The following TRIM8 variants were observed in gnomAD, a reference collection of about 807,000 sequenced individuals.
TRIM8 encodes the protein E3 ubiquitin-protein ligase TRIM8.
A neutral mutation model predicts 55.7 loss-of-function variants in TRIM8; 9 were observed. The ratio of observed to expected loss-of-function variants is 0.16; its 90% confidence interval spans 0.10 to 0.28. The LOEUF is 0.28. Among genes scored for constraint, TRIM8 ranks in the 10% least tolerant of loss-of-function variants. The probability of loss-of-function intolerance (pLI) is 1.00; values close to 1 mark genes in which losing one functional copy is unlikely to be tolerated. For synonymous variants in TRIM8, 335 were observed against 333.3 expected, an observed-to-expected ratio of 1.01 and a Z score of -0.06; for missense variants, 556 against 736.4, an observed-to-expected ratio of 0.76 and a Z score of 2.83.
In TRIM8 at chr10:102,653,051, G is replaced by A. The variant is rs1306834932; in HGVS notation, c.571-1602G>A. 4.6e-5 allele frequency among the ~76,000 whole-genome samples: 7 copies of A among 152,236 alleles called. No individual in the cohort carries two copies. The South Asian group carries it at 8.3e-4, about 18-fold the overall frequency. ...CGACCTCAGGTGATCCGCCTGCCTC[G>A]GCCTCCCAAAGTGCTGGGATTACAG... On this transcript the variant is annotated intron_variant, in intron 1 of 5. Coordinates refer to ENST00000643721, the MANE Select transcript of TRIM8 (RefSeq NM_030912.3).
At chr10:102,647,241 C>CGT (rs879849727) in intron 1 of TRIM8, among the ~76,000 whole-genome samples, 8 of 151,896 alleles carry the variant, frequency 5.3e-5, no homozygotes, top group African/African-American at 7.3e-5. Context: ...TGCGTGTGTG[C>CGT]GTGTGTGTGC....
intron 1 of TRIM8, among the ~76,000 whole-genome samples, chr10:102,649,055 C>T (rs190840873): frequency 2.4e-5 from 3 of 124,720 alleles, no homozygotes; most frequent in Non-Finnish European, 3.6e-5. Context: ...TGTGTGTGTG[C>T]GTGCATGTGT....
At position 102,657,238 on chromosome 10, in the gene TRIM8, C is replaced by A. The variant is rs1243751759; in HGVS notation, c.1540C>A (p.Gln514Lys). The A allele has an allele frequency of 6.2e-7, 1 of 1,613,948 alleles. No individual in the cohort carries two copies. The highest frequency in any genetic ancestry group is 1.3e-5 in the African/African-American group (1 of 74,924). ...HPLPPTPSVP[Q>K]SLPSLAVRDW... Reference sequence around the variant, plus strand: ...GCTCCCGCCCACACCCTCCGTCCCCCAGTCCCTTCCCAGCCTGGCGGTCAG... The same window carrying A: ...GCTCCCGCCCACACCCTCCGTCCCCAAGTCCCTTCCCAGCCTGGCGGTCAG... Residue 514 changes from glutamine to lysine, a missense_variant, in exon 6 of 6, where the codon CAG (glutamine) becomes AAG (lysine). Coordinates refer to ENST00000643721, the MANE Select transcript of TRIM8 (RefSeq NM_030912.3).
chr10:102,656,238 C>G lies in TRIM8; in HGVS notation c.933-32C>G, dbSNP rs1252060393. 3 of 1,614,028 alleles carry G rather than the reference C, an allele frequency of 1.9e-6. No individual in the cohort carries two copies. Among genetic ancestry groups the G allele is most frequent in the Non-Finnish European group, 2.5e-6 (3 of 1,180,004 alleles). ...AGGGCGGGCTCACCGGTGATGCCTCCTCACAGCAGATGCCCCGTCCACTGC... is the reference window on the plus strand; with the variant it reads ...AGGGCGGGCTCACCGGTGATGCCTCGTCACAGCAGATGCCCCGTCCACTGC... On this transcript the variant is annotated intron_variant, in intron 4 of 5. Transcript: ENST00000643721. This position sits in a 1 kb window ranked among gnomAD's most constrained non-coding sequence, Gnocchi z 4.6.
Position 102,645,019 on chromosome 10 carries a change from G to C in TRIM8, c.402G>C (p.Leu134=), listed in dbSNP as rs1048299166. The C allele has an allele frequency of 6.3e-7, 1 of 1,595,738 alleles. No individual in the cohort carries two copies. The highest frequency in any genetic ancestry group is 1.1e-5 in the South Asian group (1 of 90,108). ...CCTCCACCGCCCGCGGGCACCTCCT[G>C]GTGGAGGCGGACGACGTGCGGGCCT... is the stretch of plus-strand genomic sequence containing the variant. ...QQPSTARGHL[L]VEADDVRAWS... The change falls in exon 1 of 6, where the codon CTG becomes CTC. Residue 134 remains leucine (L), a synonymous_variant. Transcript: ENST00000643721.
rs748355841 is a variant in TRIM8 at position 102,645,111 on chromosome 10, A to C, written c.494A>C (p.Gln165Pro). 1 of 1,592,840 alleles carries C rather than the reference A, an allele frequency of 6.3e-7. No individual in the cohort carries two copies. The highest frequency in any genetic ancestry group is 8.5e-7 in the Non-Finnish European group (1 of 1,177,200). ...HCEAEQVAVC[Q>P]YCCYYSGAHQ... ...GAGGCCGAGCAGGTGGCCGTGTGCC[A>C]GTACTGCTGCTACTACAGCGGCGCG... The change falls in exon 1 of 6, where the codon CAG becomes CCG. Residue 165 changes from glutamine to proline, a missense_variant. This residue lies in a region of TRIM8 where 165 missense variants were observed against 295.3 expected (regional missense o/e 0.56). Coordinates refer to ENST00000643721, the MANE Select transcript of TRIM8 (RefSeq NM_030912.3).
At position 102,644,928 on chromosome 10, in the gene TRIM8, A is replaced by G; in HGVS notation, c.311A>G (p.Gln104Arg). Reference sequence around the variant, plus strand: ...CGCCGCGGCCCCCCGCTGCCCGCGCAGAAGGTCTGCCTGCGCTGCGAGGCG... The same window carrying G: ...CGCCGCGGCCCCCCGCTGCCCGCGCGGAAGGTCTGCCTGCGCTGCGAGGCG... Reference protein sequence around the residue: ...FCRRGPPLPAQKVCLRCEAPC... With the variant: ...FCRRGPPLPARKVCLRCEAPC... The change falls in exon 1 of 6, where the codon CAG becomes CGG. Residue 104 changes from glutamine (Q) to arginine (R), a missense_variant. By Grantham distance (43) the Gln-to-Arg change is conservative. This residue lies in a region of TRIM8 where 165 missense variants were observed against 295.3 expected (regional missense o/e 0.56). Coordinates refer to ENST00000643721, the MANE Select transcript of TRIM8 (RefSeq NM_030912.3). 1 of 1,604,276 alleles carries G rather than the reference A, an allele frequency of 6.2e-7. No homozygotes were observed. The highest frequency in any genetic ancestry group is 8.5e-7 in the Non-Finnish European group (1 of 1,175,826).
In TRIM8 at chr10:102,656,003, A is replaced by G. The variant is rs2064020192; in HGVS notation, c.901-103A>G. On this transcript the variant is annotated intron_variant, in intron 3 of 5. Transcript: ENST00000643721. This position sits in a 1 kb window ranked among gnomAD's most constrained non-coding sequence, Gnocchi z 4.6. ...CTGTCCAGAATGAGAGGATCCACCC[A>G]GCCTGGGGGAGGCTCAGGGGGGGCA... 3 of 1,559,344 alleles carry G rather than the reference A, an allele frequency of 1.9e-6. No homozygotes were observed. Among genetic ancestry groups the G allele is most frequent in the Non-Finnish European group, 2.7e-6 (3 of 1,131,396 alleles).
At chr10:102,651,086 C>A (rs1042933882) in intron 1 of TRIM8, among the ~76,000 whole-genome samples, 4 of 152,164 alleles carry the variant, frequency 2.6e-5, no homozygotes, top group African/African-American at 9.7e-5. Context: ...CTGGCTGGCA[C>A]CCCCTGGCCA....
Position 102,644,663 on chromosome 10 carries a change from C to T in TRIM8, c.46C>T (p.Pro16Ser). The change falls in exon 1 of 6, where the codon CCT becomes TCT. Residue 16 changes from proline to serine, a missense_variant. Physicochemically the swap from Pro to Ser is moderately conservative, Grantham distance 74 (BLOSUM62 -1). This residue lies in a region of TRIM8 where 165 missense variants were observed against 295.3 expected (regional missense o/e 0.56). Coordinates refer to ENST00000643721, the MANE Select transcript of TRIM8 (RefSeq NM_030912.3). ...CTGCTTCGAGGAGGAGCTCATCTGC[C>T]CTATCTGCCTGCACGTTTTCGTGGA... Reference protein sequence around the residue: ...KNCFEEELICPICLHVFVEPV... With the variant: ...KNCFEEELICSICLHVFVEPV... 1 of 1,613,418 alleles carries T rather than the reference C, an allele frequency of 6.2e-7. No homozygotes were observed. Among genetic ancestry groups the T allele is most frequent in the Non-Finnish European group, 8.5e-7 (1 of 1,179,932 alleles).
intron 1 of TRIM8, among the ~76,000 whole-genome samples, chr10:102,647,790 CA>C (rs2063948677): frequency 6.6e-6 from 1 of 152,200 alleles, no homozygotes; most frequent in Admixed American, 6.5e-5. Context: ...TCTGCCCTCC[CA>C]GGGGGATTGC....
In TRIM8 at chr10:102,644,734, C is replaced by T; in HGVS notation, c.117C>T (p.Ile39=). 6.2e-7 allele frequency: 1 copy of T among 1,613,378 alleles called. No homozygotes were observed. Among genetic ancestry groups the T allele is most frequent in the South Asian group, 1.1e-5 (1 of 91,058 alleles). Residue 39 remains isoleucine (I), a synonymous_variant, in exon 1 of 6, where the codon ATC becomes ATT. Coordinates refer to ENST00000643721, the MANE Select transcript of TRIM8 (RefSeq NM_030912.3). ...PCKHNFCRGC[I]GEAWAKDSGL... ...AACACAACTTCTGCCGGGGCTGCATCGGCGAGGCGTGGGCCAAGGACAGCG... is the reference window on the plus strand; with the variant it reads ...AACACAACTTCTGCCGGGGCTGCATTGGCGAGGCGTGGGCCAAGGACAGCG...
At chr10:102,645,522 G>A (rs900517470) in intron 1 of TRIM8, 3 of 228,946 alleles carry the variant, frequency 1.3e-5, no homozygotes, top group Admixed American at 1.1e-4. Flanking sequence ...AGGCCCTACG[G>A]GAAGTCACCG....
At chr10:102,649,501 C>T (rs991838136) in intron 1 of TRIM8, among the ~76,000 whole-genome samples, 4 of 152,206 alleles carry the variant, frequency 2.6e-5, no homozygotes, top group Non-Finnish European at 4.4e-5. Context: ...AGCAGGCTGG[C>T]CTGGCTGGCC....
At chr10:102,651,632 C>T (rs2063985591) in intron 1 of TRIM8, among the ~76,000 whole-genome samples, 3 of 152,228 alleles carry the variant, frequency 2.0e-5, no homozygotes, top group Non-Finnish European at 4.4e-5. Context: ...GCCAGCAGGG[C>T]CTTTCAGATG....
At chr10:102,648,249 G>A (rs555151266) in intron 1 of TRIM8, among the ~76,000 whole-genome samples, 1 of 152,166 alleles carries the variant, frequency 6.6e-6, no homozygotes, top group Non-Finnish European at 1.5e-5. Context: ...AAGGACTGGT[G>A]GGAGCTGGGG....
chr10:102,657,365 G>A lies in TRIM8; in HGVS notation c.*11G>A, dbSNP rs921318012. 2 of 1,540,918 alleles carry A rather than the reference G, an allele frequency of 1.3e-6. No individual in the cohort carries two copies. The highest frequency in any genetic ancestry group is 1.8e-6 in the Non-Finnish European group (2 of 1,140,586). ...TACGTGACGAGCTAACGCCACGCAG[G>A]CGGCGGGGCGCTGGGGAATCTTCCT... On this transcript the variant is annotated 3_prime_UTR_variant, in exon 6 of 6. Transcript: ENST00000643721.
chr10:102,651,822 C>T (rs1050509043), intron 1 of TRIM8, among the ~76,000 whole-genome samples: 1 of 152,240 alleles, frequency 6.6e-6, no homozygotes, highest in African/African-American at 2.4e-5. Context: ...CGTGCCAGGC[C>T]TCTTGCCATT....
Position 102,647,236 on chromosome 10 carries a change from G to T in TRIM8, c.570+2049G>T, listed in dbSNP as rs551837521. 5.9e-5 allele frequency among the ~76,000 whole-genome samples: 9 copies of T among 152,286 alleles called. No homozygotes were observed. In the South Asian group the frequency reaches 1.7e-3, roughly 28 times the overall value. Reference sequence around the variant, plus strand: ...AACTCCGCAGGGTGTGTGTGTGCGTGTGTGCGTGTGTGTGCGTGCGCGTGC... The same window carrying T: ...AACTCCGCAGGGTGTGTGTGTGCGTTTGTGCGTGTGTGTGCGTGCGCGTGC... On this transcript the variant is annotated intron_variant, in intron 1 of 5. Transcript: ENST00000643721.
Sources: allele counts gnomAD v4.1 joint callset (sites outside exome capture counted in the v4.1 genomes callset), GRCh38; gene constraint gnomAD v4.1.1; regional missense constraint gnomAD v4.1.1; non-coding constraint Gnocchi (gnomAD v3.1); transcripts MANE v1.5; gene names NCBI Gene and HGNC (gene_info 2026-07-23, HGNC 2026-07-21).